The following IGSF22 variants were observed in gnomAD, a reference collection of about 807,000 sequenced individuals.
The protein encoded by IGSF22 is immunoglobulin superfamily, member 22.
In IGSF22, 119 loss-of-function variants were observed where a neutral mutation model predicts 127.0. That is an observed-to-expected ratio of 0.94 (90% CI 0.81 to 1.09). IGSF22 has a LOEUF of 1.09. Among genes scored for constraint, IGSF22 ranks in the 50% least tolerant of loss-of-function variants. IGSF22 has a pLI of 0.00. For missense variants in IGSF22, 1,518 were observed against 1,716.6 expected, an observed-to-expected ratio of 0.88 and a Z score of 2.04; for synonymous variants, 568 against 664.7, an observed-to-expected ratio of 0.85 and a Z score of 2.24.
intron 20 of IGSF22, 113 bp from the exon 21 acceptor site, chr11:18,707,326 C>T (rs957700583): frequency 4.0e-6 from 4 of 993,272 alleles, no homozygotes; most frequent in African/African-American, 3.3e-5. Context: ...TCTCAGGCAG[C>T]TGGTGTCTTG....
chr11:18,705,794 GCCGGACCCCGCGGCGCCCTCA>G lies in IGSF22; in HGVS notation c.3910+2_3910+22del. 5 of 1,520,686 alleles carry G rather than the reference GCCGGACCCCGCGGCGCCCTCA, an allele frequency of 3.3e-6. No individual in the cohort carries two copies. The highest frequency in any genetic ancestry group is 4.4e-6 in the Non-Finnish European group (5 of 1,130,832). The allele number at this position is 1,520,686 out of a possible 1,614,324, so 94.2% of individuals were successfully genotyped here. On this transcript the variant is annotated splice_donor_variant and splice_donor_5th_base_variant and intron_variant, in intron 22 of 22. Transcript: ENST00000513874. LOFTEE classifies it high-confidence loss of function. Reference sequence around the variant, plus strand: ...TTTTGCGCCTCTCCCCCTCCTCGAGGCCGGACCCCGCGGCGCCCTCACCATAGACGGTGAGCGTGCAGCTGC... The same window carrying G: ...TTTTGCGCCTCTCCCCCTCCTCGAGGCCATAGACGGTGAGCGTGCAGCTGC...
intron 18 of IGSF22, 22 bp from the exon 19 acceptor site, chr11:18,708,317 T>A: frequency 6.6e-6 from 10 of 1,510,486 alleles, no homozygotes; most frequent in Non-Finnish European, 8.9e-6. Flanking sequence ...GAGACAGAGG[T>A]GGAGGCATGG....
intron 1 of IGSF22, among the ~76,000 whole-genome samples, chr11:18,725,176 C>T (rs909436588): frequency 6.6e-6 from 1 of 152,066 alleles, no homozygotes; most frequent in South Asian, 2.1e-4. Context: ...ACCAGCATTG[C>T]GGTTTTTTTT....
At chr11:18,704,627 G>A in intron 22 of IGSF22, 89 bp from the exon 23 acceptor site, 1 of 832,010 alleles carries the variant, frequency 1.2e-6, no homozygotes, top group Middle Eastern at 2.2e-4. Context: ...CAGGAAACCA[G>A]GAGCTGGACC....
At chr11:18,705,561 C>G in intron 22 of IGSF22, 3 of 538,750 alleles carry the variant, frequency 5.6e-6, no homozygotes, top group South Asian at 4.3e-5. Flanking sequence ...GAAGGCAGGT[C>G]TAGGCTCACC....
chr11:18,711,030 C>T (rs914888675), intron 15 of IGSF22, among the ~76,000 whole-genome samples: 2 of 152,198 alleles, frequency 1.3e-5, no homozygotes, highest in African/African-American at 4.8e-5. Context: ...CCTGTCTTGG[C>T]CTTCCGAAGT....
Position 18,704,394 on chromosome 11 carries a change from A to G in IGSF22, c.*74T>C. 1 of 966,924 alleles carries G rather than the reference A, an allele frequency of 1.0e-6. No individual in the cohort carries two copies. The highest frequency in any genetic ancestry group is 1.6e-6 in the Non-Finnish European group (1 of 616,338). 59.9% of individuals were successfully genotyped at this position (966,924 alleles called of 1,614,324 possible). ...CCAGAGAGCAAACTGGGCTTCCTAC[A>G]CTGGGCCATGCAGAGGACAGGCCAA... On this transcript the variant is annotated 3_prime_UTR_variant, in exon 23 of 23. Coordinates refer to ENST00000513874, the MANE Select transcript of IGSF22 (RefSeq NM_173588.4).
chr11:18,718,360 T>A (rs1848501073), intron 8 of IGSF22, among the ~76,000 whole-genome samples: 1 of 152,210 alleles, frequency 6.6e-6, no homozygotes, highest in Admixed American at 6.5e-5. Context: ...TCAGTGACCT[T>A]CAAGACTGTC....
In IGSF22 at chr11:18,717,960, T is replaced by G. The variant is rs777675190; in HGVS notation, c.944A>C (p.Lys315Thr). The change falls in exon 9 of 23, where the codon AAG becomes ACG. Residue 315 changes from lysine (K) to threonine (T), a missense_variant. Lys to Thr is a moderately conservative substitution (Grantham distance 78). Transcript: ENST00000513874. ...CACTGTGAGCTCTGCACTCATCCGCTTATCGCCCACGGACAGGCTGTAGAT... is the reference window on the plus strand; with the variant it reads ...CACTGTGAGCTCTGCACTCATCCGCGTATCGCCCACGGACAGGCTGTAGAT... The part of the protein sequence containing the change: ...AGIYSLSVGD[K>T]RMSAELTVLD... 43 of 1,614,086 alleles carry G rather than the reference T, an allele frequency of 2.7e-5. No homozygotes were observed. Among genetic ancestry groups the G allele is most frequent in the Non-Finnish European group, 3.5e-5 (41 of 1,180,036 alleles).
chr11:18,705,260 T>A (rs1220368780), intron 22 of IGSF22, among the ~76,000 whole-genome samples: 1 of 152,178 alleles, frequency 6.6e-6, no homozygotes, highest in Non-Finnish European at 1.5e-5. Flanking sequence ...GAGTTCATGC[T>A]GCTAGCTGTG....
At chr11:18,718,933 T>C (rs1848512759) in intron 7 of IGSF22, among the ~76,000 whole-genome samples, 1 of 152,206 alleles carries the variant, frequency 6.6e-6, no homozygotes, top group South Asian at 2.1e-4. Flanking sequence ...CCATCATTCA[T>C]GGAATAGTCA....
chr11:18,721,097 G>A (rs1247891148), intron 4 of IGSF22, among the ~76,000 whole-genome samples: 1 of 152,210 alleles, frequency 6.6e-6, no homozygotes, highest in Non-Finnish European at 1.5e-5. Context: ...TCCTTGGGGA[G>A]GGTTCAGCTG....
At chr11:18,706,482 T>G in intron 21 of IGSF22, 1 of 410,628 alleles carries the variant, frequency 2.4e-6, no homozygotes, top group Non-Finnish European at 4.4e-6. Context: ...CCCTACGTCA[T>G]ATCAGCGACC....
chr11:18,714,423 G>A lies in IGSF22; in HGVS notation c.1657-5C>T, dbSNP rs373950090. On this transcript the variant is annotated splice_region_variant and splice_polypyrimidine_tract_variant and intron_variant, in intron 12 of 22. Coordinates refer to ENST00000513874, the MANE Select transcript of IGSF22 (RefSeq NM_173588.4). ...CATGCCTGGCAAGTCCGTGATCTGG[G>A]GGTCAGGGGTGGGCCTGAGTGTGAG... is the stretch of plus-strand genomic sequence containing the variant. 406 of 1,613,888 alleles carry A rather than the reference G, an allele frequency of 2.5e-4. 2 individuals are homozygous for A. The highest frequency in any genetic ancestry group is 3.2e-4 in the Non-Finnish European group (372 of 1,179,882).
At chr11:18,708,054 C>G in intron 19 of IGSF22, 58 bp from the exon 20 acceptor site, 2 of 1,595,604 alleles carry the variant, frequency 1.3e-6, no homozygotes, top group Non-Finnish European at 8.6e-7. Flanking sequence ...GGGGGCAGGC[C>G]TTCCTCCATT....
chr11:18,713,702 G>A (rs912285682), intron 14 of IGSF22, 150 bp downstream of exon 14: 11 of 649,750 alleles, frequency 1.7e-5, no homozygotes, highest in East Asian at 1.1e-4. Context: ...GTTAGGAAGC[G>A]GGCTTCTGGC....
At position 18,716,777 on chromosome 11, in the gene IGSF22, G is replaced by C. The variant is rs1195689405; in HGVS notation, c.1197C>G (p.Phe399Leu). ...GTACCAGGTTCCCCGCCTCAGCAGA[G>C]AACTCGCCGCTGTCACTGAGTCTGG... ...KDARLSDSGE[F>L]SAEAGNLVQK... Residue 399 changes from phenylalanine to leucine, a missense_variant, in exon 10 of 23, where the codon TTC (phenylalanine) becomes TTG (leucine). Phe to Leu is a conservative substitution (Grantham distance 22). This residue lies in a region of IGSF22 where 1,456 missense variants were observed against 1,644.9 expected (regional missense o/e 0.89). Coordinates refer to ENST00000513874, the MANE Select transcript of IGSF22 (RefSeq NM_173588.4). The surrounding 1 kb of genome is among the most constrained non-coding windows in gnomAD (Gnocchi z 4.5). 6.2e-7 allele frequency: 1 copy of C among 1,614,202 alleles called. No individual in the cohort carries two copies. The highest frequency in any genetic ancestry group is 1.7e-5 in the Admixed American group (1 of 60,016).
chr11:18,718,092 C>T lies in IGSF22; in HGVS notation c.812G>A (p.Gly271Asp), dbSNP rs898501275. The change falls in exon 9 of 23, where the codon GGT becomes GAT. Residue 271 changes from glycine to aspartate, a missense_variant and splice_region_variant. Physicochemically the swap from Gly to Asp is moderately conservative, Grantham distance 94. Around this residue, in one of 3 missense-constraint regions of IGSF22, gnomAD observed 1,456 missense variants for 1,644.9 expected, o/e 0.89. Transcript: ENST00000513874. Reference protein sequence around the residue: ...DPNVKMIWIKGTEPLRIQYSL... With the variant: ...DPNVKMIWIKDTEPLRIQYSL... The stretch of plus-strand genomic sequence containing the variant: ...GTACTGGATCCTCAGTGGCTCAGTA[C>T]CCTGCCTCATGGAACAGGTAGGAAA... 5.6e-6 allele frequency: 9 copies of T among 1,613,322 alleles called. No individual in the cohort carries two copies. The highest frequency in any genetic ancestry group is 1.3e-5 in the African/African-American group (1 of 74,904).
rs201898534 is a variant in IGSF22, at chr11:18,713,922, G to C, written c.2025C>G (p.Ser675Arg). 1 of 1,614,120 alleles carries C rather than the reference G, an allele frequency of 6.2e-7. No homozygotes were observed. The highest frequency in any genetic ancestry group is 1.7e-5 in the Admixed American group (1 of 60,008). ...TCTTGAGCTTGAGCAGGATGAGGCCGCTGTCTTCACGCACACAGTTGGAGA... is the reference window on the plus strand; with the variant it reads ...TCTTGAGCTTGAGCAGGATGAGGCCCCTGTCTTCACGCACACAGTTGGAGA... The part of the protein sequence containing the change: ...LTISNCVRED[S>R]GLILLKLKND... Residue 675 changes from serine to arginine, a missense_variant, in exon 14 of 23, where the codon AGC becomes AGG. Physicochemically the swap from Ser to Arg is moderately radical, Grantham distance 110 (BLOSUM62 -1). Coordinates refer to ENST00000513874, the MANE Select transcript of IGSF22 (RefSeq NM_173588.4).
Sources: allele counts gnomAD v4.1 joint callset (sites outside exome capture counted in the v4.1 genomes callset), GRCh38; gene constraint gnomAD v4.1.1; regional missense constraint gnomAD v4.1.1; non-coding constraint Gnocchi (gnomAD v3.1); transcripts MANE v1.5; gene names NCBI Gene and HGNC (gene_info 2026-07-23, HGNC 2026-07-21).